Variants in FSTL5 observed in about 807,000 individuals in gnomAD.
FSTL5 encodes the protein follistatin like 5, also known as follistatin-related protein 5.
FSTL5 carries 62 observed loss-of-function variants against 89.1 expected under a neutral mutation model. The observed-to-expected ratio is 0.70, with a 90% CI of 0.57 to 0.86. The LOEUF (loss-of-function observed/expected upper bound fraction) is 0.86, where lower values mean the gene tolerates loss of function less well. Among genes scored for constraint, FSTL5 ranks in the 40% least tolerant of loss-of-function variants. FSTL5 has a pLI of 0.00. For missense variants in FSTL5, 1,057 were observed against 1,001.6 expected, an observed-to-expected ratio of 1.06 and a Z score of -0.75; for synonymous variants, 383 against 346.2, an observed-to-expected ratio of 1.11 and a Z score of -1.18.
At chr4:161,650,957 G>A (rs148099052) in intron 7 of FSTL5, among the ~76,000 whole-genome samples, 216 of 151,990 alleles carry the variant, frequency 1.4e-3, no homozygotes, top group Non-Finnish European at 2.6e-3. Flanking sequence ...CAACTTTCTC[G>A]GTCACGTTAA....
chr4:161,892,985 A>G (rs927825129), intron 4 of FSTL5, among the ~76,000 whole-genome samples: 1 of 152,148 alleles, frequency 6.6e-6, no homozygotes, highest in African/African-American at 2.4e-5. Flanking sequence ...TGCTACTTTT[A>G]GAAAGATACA....
chr4:161,566,392 A>C (rs1191404289), intron 8 of FSTL5, among the ~76,000 whole-genome samples: 1 of 151,898 alleles, frequency 6.6e-6, no homozygotes, highest in East Asian at 1.9e-4. Flanking sequence ...CATCTTTACT[A>C]TTGTGAATAG....
At chr4:161,711,806 C>G (rs1054295794) in intron 6 of FSTL5, among the ~76,000 whole-genome samples, 2 of 152,122 alleles carry the variant, frequency 1.3e-5, no homozygotes, top group Admixed American at 6.6e-5. Context: ...TCTCATGAAT[C>G]TGAGGTTGGG....
intron 8 of FSTL5, among the ~76,000 whole-genome samples, chr4:161,564,287 AT>A (rs1732722285): frequency 6.6e-6 from 1 of 151,010 alleles, no homozygotes; most frequent in Non-Finnish European, 1.5e-5. Flanking sequence ...CAGTTCCAGT[AT>A]ATGACCTGAT....
intron 4 of FSTL5, among the ~76,000 whole-genome samples, chr4:161,817,935 C>T (rs1040595366): frequency 2.0e-5 from 3 of 152,048 alleles, no homozygotes; most frequent in East Asian, 3.9e-4. Flanking sequence ...GTAAGGAGGG[C>T]GTAGTCCCTG....
chr4:162,101,164 G>C (rs1284324842), intron 2 of FSTL5, among the ~76,000 whole-genome samples: 6 of 152,130 alleles, frequency 3.9e-5, no homozygotes, highest in African/African-American at 1.2e-4. Context: ...TATTTTCATA[G>C]AGACTACCTC....
chr4:161,514,895 A>C (rs1730764259), intron 10 of FSTL5, among the ~76,000 whole-genome samples: 1 of 152,082 alleles, frequency 6.6e-6, no homozygotes, highest in Non-Finnish European at 1.5e-5. Context: ...ATGCAAAATA[A>C]AATTTTGTTT....
intron 6 of FSTL5, among the ~76,000 whole-genome samples, chr4:161,755,675 T>C (rs1156492606): frequency 6.6e-6 from 1 of 152,078 alleles, no homozygotes; most frequent in African/African-American, 2.4e-5. Context: ...TTAATACATC[T>C]GTCATTTTGA....
At chr4:161,423,587 A>G (rs2126319361) in intron 15 of FSTL5, among the ~76,000 whole-genome samples, 1 of 151,746 alleles carries the variant, frequency 6.6e-6, no homozygotes, top group South Asian at 2.1e-4. Flanking sequence ...TTAATTATGG[A>G]CTTTATTTGT....
At chr4:162,082,659 A>G (rs1730146860) in intron 2 of FSTL5, among the ~76,000 whole-genome samples, 1 of 151,296 alleles carries the variant, frequency 6.6e-6, no homozygotes, top group Admixed American at 6.6e-5. Flanking sequence ...CTTGGTTCTT[A>G]AAGTTACTGC....
chr4:161,662,633 G>T (rs111294539), intron 6 of FSTL5, among the ~76,000 whole-genome samples: 1 of 152,056 alleles, frequency 6.6e-6, no homozygotes, highest in African/African-American at 2.4e-5. Context: ...ATGAAACCAG[G>T]GTTCTTTTGA....
chr4:162,073,464 A>G (rs749004363), intron 2 of FSTL5, among the ~76,000 whole-genome samples: 2 of 151,858 alleles, frequency 1.3e-5, no homozygotes, highest in African/African-American at 2.4e-5. Context: ...ATATCATAAA[A>G]TATCACATAT....
At chr4:161,836,419 C>T (rs1165456751) in intron 4 of FSTL5, among the ~76,000 whole-genome samples, 3 of 147,704 alleles carry the variant, frequency 2.0e-5, no homozygotes, top group African/African-American at 7.5e-5. Flanking sequence ...CTAACCTGCA[C>T]ATTGTGCACA....
chr4:161,995,395 A>G (rs1408793366), intron 3 of FSTL5, among the ~76,000 whole-genome samples: 1 of 152,166 alleles, frequency 6.6e-6, no homozygotes, highest in Non-Finnish European at 1.5e-5. Flanking sequence ...CAGAATTCCA[A>G]ACCAGACAGT....
At chr4:161,743,384 C>G (rs1033272114) in intron 6 of FSTL5, among the ~76,000 whole-genome samples, 24 of 152,062 alleles carry the variant, frequency 1.6e-4, no homozygotes, top group Admixed American at 1.4e-3. Flanking sequence ...CTTTTATCTT[C>G]TATTCCATTC....
intron 2 of FSTL5, among the ~76,000 whole-genome samples, chr4:162,098,806 A>C (rs377215864): frequency 1.7e-4 from 26 of 152,218 alleles, no homozygotes; most frequent in African/African-American, 5.8e-4. Context: ...AAAGTTGCAA[A>C]AGCAATACAA....
At chr4:162,012,408 G>C (rs1736795475) in intron 3 of FSTL5, among the ~76,000 whole-genome samples, 1 of 152,078 alleles carries the variant, frequency 6.6e-6, no homozygotes, top group African/African-American at 2.4e-5. Context: ...TTAGATATCT[G>C]AAGAGAATAT....
chr4:162,161,280 C>A (rs1402236488), intron 1 of FSTL5, among the ~76,000 whole-genome samples: 1 of 151,818 alleles, frequency 6.6e-6, no homozygotes, highest in Non-Finnish European at 1.5e-5. Context: ...TAAGGGGCCA[C>A]CACATTTGAA....
intron 10 of FSTL5, among the ~76,000 whole-genome samples, chr4:161,515,131 A>G (rs1730772681): frequency 6.6e-6 from 1 of 152,086 alleles, no homozygotes; most frequent in African/African-American, 2.4e-5. Context: ...ATACAAAGTT[A>G]GAATGTACAT....
Sources: allele counts gnomAD v4.1 joint callset (sites outside exome capture counted in the v4.1 genomes callset), GRCh38; gene constraint gnomAD v4.1.1; transcripts MANE v1.5; gene names NCBI Gene and HGNC (gene_info 2026-07-23, HGNC 2026-07-21).